Variants in FRMD3 observed in about 807,000 individuals in gnomAD.
FRMD3 encodes FERM domain containing 3.
A neutral mutation model predicts 70.2 loss-of-function variants in FRMD3; 33 were observed. The observed-to-expected ratio is 0.47, with a 90% confidence interval of 0.36 to 0.63. The LOEUF (loss-of-function observed/expected upper bound fraction) is 0.63, where lower values mean the gene tolerates loss of function less well. Ranked by LOEUF, FRMD3 falls within the 20% of genes least tolerant of loss-of-function variation. The pLI is 0.00. For synonymous variants in FRMD3, 279 were observed against 255.9 expected, an observed-to-expected ratio of 1.09 and a Z score of -0.86; for missense variants, 632 against 711.4, an observed-to-expected ratio of 0.89 and a Z score of 1.27.
chr9:83,345,171 T>C (rs183276830), intron 4 of FRMD3, among the ~76,000 whole-genome samples: 1 of 152,324 alleles, frequency 6.6e-6, no homozygotes, highest in East Asian at 1.9e-4. Context: ...TGCTGTGCAC[T>C]GTGCTGTGTG....
Position 83,388,184 on chromosome 9 carries a change from A to G in FRMD3, c.252+1420T>C, listed in dbSNP as rs561543928. Among the ~76,000 whole-genome samples the G allele has an allele frequency of 8.6e-4, 131 of 152,330 alleles. 1 individual carries two copies. The highest frequency in any genetic ancestry group is 2.9e-3 in the African/African-American group (119 of 41,582). Reference sequence around the variant, plus strand: ...CTCCAAGAGCAAAATAAGATTCTCTATGTATCAGATGCAAATCTAATCTAT... The same window carrying G: ...CTCCAAGAGCAAAATAAGATTCTCTGTGTATCAGATGCAAATCTAATCTAT... On this transcript the variant is annotated intron_variant, in intron 2 of 13. Coordinates refer to ENST00000304195, the MANE Select transcript of FRMD3 (RefSeq NM_174938.6).
chr9:83,440,260 G>C (rs530020732), intron 1 of FRMD3, among the ~76,000 whole-genome samples: 14 of 152,302 alleles, frequency 9.2e-5, no homozygotes, highest in Middle Eastern at 6.8e-3. Flanking sequence ...GGACCAAACT[G>C]TCATTTAGAT....
chr9:83,538,282 C>G lies in FRMD3; in HGVS notation c.-51G>C, dbSNP rs983941416. 21 of 1,521,262 alleles carry G rather than the reference C, an allele frequency of 1.4e-5. No individual in the cohort carries two copies. The highest frequency in any genetic ancestry group is 1.4e-5 in the African/African-American group (1 of 72,488). 94.2% of individuals were successfully genotyped at this position (1,521,262 alleles called of 1,614,324 possible). Reference sequence around the variant, plus strand: ...GGAGGCTCAGGGCCGGCGCGGTGCTCGCCTGCGCGGACACACACGCTCGCA... The same window carrying G: ...GGAGGCTCAGGGCCGGCGCGGTGCTGGCCTGCGCGGACACACACGCTCGCA... On this transcript the variant is annotated 5_prime_UTR_variant, in exon 1 of 14. Transcript: ENST00000304195. This position sits in a 1 kb window ranked among gnomAD's most constrained non-coding sequence, Gnocchi z 4.7.
chr9:83,476,240 C>T (rs1006796795), intron 1 of FRMD3, among the ~76,000 whole-genome samples: 6 of 151,992 alleles, frequency 3.9e-5, no homozygotes, highest in Non-Finnish European at 5.9e-5. Context: ...AAAAATTAGC[C>T]GAGCATGGTG....
rs748480370 is a variant in FRMD3 at position 83,246,010 on chromosome 9, C to T, written c.*1908G>A. 382 of 985,184 alleles carry T rather than the reference C, an allele frequency of 3.9e-4. No individual in the cohort carries two copies. The highest frequency in any genetic ancestry group is 4.4e-4 in the Non-Finnish European group (365 of 829,872). The allele number at this position is 985,184 out of a possible 1,614,324, so 61.0% of individuals were successfully genotyped here. A position where few individuals can be genotyped will look rare whatever the true frequency, so the allele number is the denominator to read the frequency against. On this transcript the variant is annotated 3_prime_UTR_variant, in exon 14 of 14. Coordinates refer to ENST00000304195, the MANE Select transcript of FRMD3 (RefSeq NM_174938.6). Reference sequence around the variant, plus strand: ...AAAGCATATAGGAAAGGAAACCCCTCAAACTTAATGGCAAATATATAGTCA... The same window carrying T: ...AAAGCATATAGGAAAGGAAACCCCTTAAACTTAATGGCAAATATATAGTCA...
chr9:83,309,748 CTT>C, intron 9 of FRMD3, 124 bp from the exon 10 acceptor site: 1 of 587,288 alleles, frequency 1.7e-6, no homozygotes, highest in South Asian at 2.5e-5. Context: ...CTTGAAGTAA[CTT>C]AACATATTGC....
At chr9:83,320,792 C>T (rs977673986) in intron 6 of FRMD3, among the ~76,000 whole-genome samples, 5 of 152,040 alleles carry the variant, frequency 3.3e-5, no homozygotes, top group African/African-American at 1.2e-4. Flanking sequence ...GCTGTGAATC[C>T]ATCTGATCCT....
intron 1 of FRMD3, among the ~76,000 whole-genome samples, chr9:83,492,354 T>C (rs1828845888): frequency 6.8e-6 from 1 of 147,900 alleles, no homozygotes. Flanking sequence ...TTATGAGCTA[T>C]TTTTAAAAAG....
chr9:83,299,572 G>A (rs779615304), intron 10 of FRMD3, among the ~76,000 whole-genome samples: 10 of 152,210 alleles, frequency 6.6e-5, no homozygotes, highest in African/African-American at 1.4e-4. Flanking sequence ...CAGGAAGTTC[G>A]TGGTTGTTAG....
intron 1 of FRMD3, among the ~76,000 whole-genome samples, chr9:83,504,395 T>C (rs76611068): frequency 0.046 from 6,990 of 152,196 alleles, 242 homozygotes; most frequent in South Asian, 0.1. Context: ...TGCCATTCTC[T>C]ACCAAAGCTT....
intron 13 of FRMD3, among the ~76,000 whole-genome samples, chr9:83,256,680 A>C (rs112046120): frequency 3.3e-5 from 5 of 150,790 alleles, no homozygotes; most frequent in Admixed American, 6.6e-5. Context: ...GGAAAAAAAA[A>C]CCCATTAAAA....
chr9:83,426,496 G>A (rs1826816300), intron 1 of FRMD3, among the ~76,000 whole-genome samples: 1 of 152,232 alleles, frequency 6.6e-6, no homozygotes, highest in South Asian at 2.1e-4. Flanking sequence ...GGTGATGCAC[G>A]CTCTGTGTCA....
chr9:83,424,940 C>T (rs529033877), intron 1 of FRMD3, among the ~76,000 whole-genome samples: 29 of 152,260 alleles, frequency 1.9e-4, no homozygotes, highest in Admixed American at 5.2e-4. Context: ...TATTGTCCTG[C>T]GCTACTGCTC....
At chr9:83,448,379 A>G (rs927254568) in intron 1 of FRMD3, among the ~76,000 whole-genome samples, 4 of 152,168 alleles carry the variant, frequency 2.6e-5, no homozygotes, top group African/African-American at 9.7e-5. Context: ...TCATACAGCT[A>G]TGATTCCATG....
chr9:83,409,742 C>A (rs1041905085), intron 1 of FRMD3, among the ~76,000 whole-genome samples: 1 of 152,222 alleles, frequency 6.6e-6, no homozygotes, highest in Non-Finnish European at 1.5e-5. Context: ...AAAATGTATG[C>A]TCAAGCAACA....
At chr9:83,336,433 C>T (rs1283689164) in intron 5 of FRMD3, among the ~76,000 whole-genome samples, 2 of 151,292 alleles carry the variant, frequency 1.3e-5, no homozygotes, top group South Asian at 2.1e-4. Flanking sequence ...GGACATTCCT[C>T]GGGGTTCCAT....
chr9:83,534,646 T>A lies in FRMD3; in HGVS notation c.147+3439A>T, dbSNP rs139557731. Among the ~76,000 whole-genome samples the A allele has an allele frequency of 4.7e-4, 72 of 152,346 alleles. 1 individual carries two copies. Among genetic ancestry groups the A allele is most frequent in the African/African-American group, 1.7e-3 (71 of 41,576 alleles). On this transcript the variant is annotated intron_variant, in intron 1 of 13. Transcript: ENST00000304195. The stretch of plus-strand genomic sequence containing the variant: ...GTTTCTGGCTTGGTTCATCTTTTGA[T>A]GCATAGGCATAATTTGGGGCTACTA...
the FRMD3 span, among the ~76,000 whole-genome samples, chr9:83,560,029 A>G: frequency 4.6e-5 from 7 of 152,304 alleles, no homozygotes; most frequent in African/African-American, 1.7e-4. Context: ...TCTATAAATG[A>G]CAAGAAATGA....
At chr9:83,523,129 A>T (rs1265557186) in intron 1 of FRMD3, among the ~76,000 whole-genome samples, 1 of 151,926 alleles carries the variant, frequency 6.6e-6, no homozygotes, top group Non-Finnish European at 1.5e-5. Flanking sequence ...GTATTCAATA[A>T]ATGTTTGTTT....
Sources: gnomAD v4.1 joint callset for allele counts (sites outside exome capture counted in the v4.1 genomes callset) on GRCh38, gnomAD v4.1.1 for gene constraint, Gnocchi (gnomAD v3.1) non-coding constraint, MANE v1.5 for transcripts, NCBI Gene and HGNC (gene_info 2026-07-23, HGNC 2026-07-21) for gene names.